The following TMEM82 variants were observed in gnomAD, a reference collection of about 807,000 sequenced individuals.
TMEM82 encodes transmembrane protein 82.
A neutral mutation model predicts 29.2 loss-of-function variants in TMEM82; 30 were observed. The observed-to-expected ratio is 1.03, with a 90% CI of 0.77 to 1.39. TMEM82 has a LOEUF of 1.39. Ranked by LOEUF, TMEM82 falls within the 40% of genes most tolerant of loss-of-function variation. TMEM82 has a pLI of 0.00. For missense variants in TMEM82, 442 were observed against 447.7 expected (o/e 0.99, Z 0.12); for synonymous variants, 221 against 225.4 (o/e 0.98, Z 0.18).
intron 4 of TMEM82, among the ~76,000 whole-genome samples, chr1:15,745,640 C>T (rs1006452876): frequency 6.6e-6 from 1 of 151,582 alleles, no homozygotes; most frequent in Admixed American, 6.6e-5. Flanking sequence ...CGCCTGTAAT[C>T]CCAGCACTTT....
Position 15,746,949 on chromosome 1 carries a change from G to A in TMEM82, c.840G>A (p.Leu280=). The A allele has an allele frequency of 6.2e-7, 1 of 1,611,082 alleles. No individual in the cohort carries two copies. The highest frequency in any genetic ancestry group is 1.7e-5 in the Admixed American group (1 of 59,996). ...TGGGCGGCCTCTTCGTGCTGCTGCT[G>A]ACTGTGGGTCGCTGGCTGGACCTGC... ...VRMGGLFVLL[L]TVGRWLDLLG... The change falls in exon 5 of 6, where the codon CTG becomes CTA. Residue 280 remains leucine (L), a synonymous_variant. Coordinates refer to ENST00000375782, the MANE Select transcript of TMEM82 (RefSeq NM_001013641.3).
rs2068314033 is a variant in TMEM82 at position 15,744,069 on chromosome 1, A to C, written c.337-91A>C. 1 of 1,350,216 alleles carries C rather than the reference A, an allele frequency of 7.4e-7. No individual in the cohort carries two copies. Among genetic ancestry groups the C allele is most frequent in the Admixed American group, 2.9e-5 (1 of 34,852 alleles). 83.6% of individuals were successfully genotyped at this position (1,350,216 alleles called of 1,614,324 possible). ...TGTGGCCCCTTCGGGAACCATCCCC[A>C]AGGTCCCTTCAGGCTCCGGCTTCCT... On this transcript the variant is annotated intron_variant, in intron 3 of 5. Transcript: ENST00000375782. This position sits in a 1 kb window ranked among gnomAD's most constrained non-coding sequence, Gnocchi z 5.2.
intron 1 of TMEM82, 48 bp downstream of exon 1, chr1:15,742,695 C>A: frequency 6.4e-7 from 1 of 1,568,726 alleles, no homozygotes; most frequent in Non-Finnish European, 8.7e-7. Flanking sequence ...CCTTCCAGCT[C>A]TTTGCAGTGC....
chr1:15,742,892 T>G lies in TMEM82; in HGVS notation c.146T>G (p.Phe49Cys). ...AACAGCCTCCTGAAAGTTTACTTCT[T>G]CGTGGGCTGTGCCAAGTGAGTGCCC... ...VLNSLLKVYF[F>C]VGCANDPQRR... The change falls in exon 2 of 6, where the codon TTC becomes TGC. Residue 49 changes from phenylalanine to cysteine, a missense_variant. By Grantham distance (205) the Phe-to-Cys change is radical. Transcript: ENST00000375782. 1 of 1,612,906 alleles carries G rather than the reference T, an allele frequency of 6.2e-7. No individual in the cohort carries two copies. Among genetic ancestry groups the G allele is most frequent in the Non-Finnish European group, 8.5e-7 (1 of 1,179,974 alleles).
rs546543935 is a variant in TMEM82, at chr1:15,745,413, G to A, written c.757+833G>A. 2.8e-4 allele frequency among the ~76,000 whole-genome samples: 43 copies of A among 152,236 alleles called. 1 individual carries two copies. Among genetic ancestry groups the A allele is most frequent in the Admixed American group, 2.8e-3 (43 of 15,280 alleles). ...TCCATGCCTGTAATCCAGCTACTCA[G>A]GAGGCTGAGGCACAAGAATCGCTTG... On this transcript the variant is annotated intron_variant, in intron 4 of 5. Coordinates refer to ENST00000375782, the MANE Select transcript of TMEM82 (RefSeq NM_001013641.3).
intron 4 of TMEM82, 145 bp from the exon 5 acceptor site, chr1:15,746,722 G>A (rs984480194): frequency 2.2e-5 from 15 of 682,918 alleles, no homozygotes; most frequent in Admixed American, 8.1e-5. Context: ...GCAGATACTC[G>A]GAGCAGGGAT....
Position 15,744,399 on chromosome 1 carries a change from C to T in TMEM82, c.576C>T (p.Gly192=). 1 of 1,577,402 alleles carries T rather than the reference C, an allele frequency of 6.3e-7. No individual in the cohort carries two copies. Among genetic ancestry groups the T allele is most frequent in the African/African-American group, 1.3e-5 (1 of 74,542 alleles). The change falls in exon 4 of 6, where the codon GGC becomes GGT. Residue 192 remains glycine, a synonymous_variant. Transcript: ENST00000375782. The surrounding 1 kb of genome is among the most constrained non-coding windows in gnomAD (Gnocchi z 5.2). ...AGCGCTACTGTGGGGTGTGCCTGGG[C>T]CTGCTGGCCCATGCACATGGCCTCC... ...SSQRYCGVCL[G]LLAHAHGLPQ...
At chr1:15,746,441 G>A (rs1010764481) in intron 4 of TMEM82, among the ~76,000 whole-genome samples, 4 of 151,630 alleles carry the variant, frequency 2.6e-5, no homozygotes, top group Admixed American at 6.6e-5. Flanking sequence ...AACAGAAGCC[G>A]GGAGCCTGGC....
intron 5 of TMEM82, 144 bp downstream of exon 5, chr1:15,747,198 C>A: frequency 1.1e-6 from 1 of 893,292 alleles, no homozygotes; most frequent in East Asian, 2.7e-5. Flanking sequence ...AGGCTGAGAC[C>A]TGAGAATCAC....
Position 15,747,000 on chromosome 1 carries a change from C to A in TMEM82, c.891C>A (p.Gly297=). The A allele has an allele frequency of 6.2e-7, 1 of 1,612,296 alleles. No homozygotes were observed. The highest frequency in any genetic ancestry group is 8.5e-7 in the Non-Finnish European group (1 of 1,179,948). ...DLLGILVSLL[G]ELWCLVGVRT... Reference sequence around the variant, plus strand: ...TGGGCATCCTTGTCTCCCTACTGGGCGAGCTCTGGTGTCTCGTGGGCGTCC... The same window carrying A: ...TGGGCATCCTTGTCTCCCTACTGGGAGAGCTCTGGTGTCTCGTGGGCGTCC... Residue 297 remains glycine, a synonymous_variant, in exon 5 of 6, where the codon GGC becomes GGA. Coordinates refer to ENST00000375782, the MANE Select transcript of TMEM82 (RefSeq NM_001013641.3).
intron 3 of TMEM82, 121 bp downstream of exon 3, chr1:15,743,315 A>C (rs1013523333): frequency 2.4e-6 from 3 of 1,241,946 alleles, no homozygotes; most frequent in Non-Finnish European, 3.3e-6. Flanking sequence ...TATTTTCCGT[A>C]AGACTGAGAA....
chr1:15,742,765 C>A (rs1193935855), intron 1 of TMEM82, 70 bp from the exon 2 acceptor site: 1 of 1,549,334 alleles, frequency 6.5e-7, no homozygotes, highest in Admixed American at 1.8e-5. Flanking sequence ...CCCCCTCTGA[C>A]CCTACCAATG....
chr1:15,743,282 C>T (rs2068306777), intron 3 of TMEM82, 88 bp downstream of exon 3: 1 of 1,380,966 alleles, frequency 7.2e-7, no homozygotes, highest in South Asian at 1.4e-5. Context: ...GGGCCCAGGT[C>T]CAGCATCCCA....
chr1:15,743,004 C>T lies in TMEM82; in HGVS notation c.162-16C>T, dbSNP rs1459081307. On this transcript the variant is annotated splice_polypyrimidine_tract_variant and intron_variant, in intron 2 of 5. Transcript: ENST00000375782. ...GCAGTTCTGCACCCCTGCCCACACC[C>T]ATTCTGTCCCCAAAGTGACCCGCAG... 1 of 1,599,278 alleles carries T rather than the reference C, an allele frequency of 6.3e-7. No homozygotes were observed. Among genetic ancestry groups the T allele is most frequent in the East Asian group, 2.2e-5 (1 of 44,702 alleles).
chr1:15,742,753 C>T lies in TMEM82; in HGVS notation c.89-82C>T, dbSNP rs577199758. ...TCTCCCGACACCCCTGCCCCTTGGC[C>T]GCCCCCTCTGACCCTACCAATGAAG... is the stretch of plus-strand genomic sequence containing the variant. On this transcript the variant is annotated intron_variant, in intron 1 of 5. Transcript: ENST00000375782. 7.0e-4 allele frequency: 1,065 copies of T among 1,527,728 alleles called. 15 individuals are homozygous for T. In the African/African-American group the frequency reaches 0.013, roughly 18 times the overall value. 94.6% of individuals were successfully genotyped at this position (1,527,728 alleles called of 1,614,324 possible).
At chr1:15,746,215 G>A (rs1019747725) in intron 4 of TMEM82, among the ~76,000 whole-genome samples, 1 of 151,856 alleles carries the variant, frequency 6.6e-6, no homozygotes, top group African/African-American at 2.4e-5. Context: ...CAAGCATGCT[G>A]GCTCATGCCT....
chr1:15,746,548 G>C (rs1205023761), intron 4 of TMEM82, among the ~76,000 whole-genome samples: 1 of 152,108 alleles, frequency 6.6e-6, no homozygotes, highest in East Asian at 1.9e-4. Flanking sequence ...GGCAGAAGGA[G>C]TTGCCAGGGC....
At chr1:15,743,793 A>C (rs1055451149) in intron 3 of TMEM82, among the ~76,000 whole-genome samples, 2 of 152,034 alleles carry the variant, frequency 1.3e-5, no homozygotes, top group South Asian at 4.1e-4. Context: ...ATCTCTAAAA[A>C]CAAAAACAAA....
At chr1:15,743,717 G>T (rs1315084221) in intron 3 of TMEM82, among the ~76,000 whole-genome samples, 1 of 152,214 alleles carries the variant, frequency 6.6e-6, no homozygotes, top group Non-Finnish European at 1.5e-5. Context: ...ACTTTGGGAG[G>T]CCGAGGCAGG....
Sources: gnomAD v4.1 joint callset for allele counts (sites outside exome capture counted in the v4.1 genomes callset) on GRCh38, gnomAD v4.1.1 for gene constraint, Gnocchi (gnomAD v3.1) non-coding constraint, MANE v1.5 for transcripts, NCBI Gene and HGNC (gene_info 2026-07-23, HGNC 2026-07-21) for gene names.